HIVEP3: variants seen among roughly 807,000 people sequenced by gnomAD.
HIVEP3 encodes HIVEP zinc finger 3.
Under a neutral mutation model 152.8 loss-of-function variants are expected in HIVEP3, and 49 were observed. The observed-to-expected ratio is 0.32, with a 90% CI of 0.26 to 0.41. The LOEUF (loss-of-function observed/expected upper bound fraction) is 0.41, where lower values mean the gene tolerates loss of function less well. Among genes scored for constraint, HIVEP3 ranks in the 10% least tolerant of loss-of-function variants. The probability of loss-of-function intolerance (pLI) is 1.00; values close to 1 mark genes in which losing one functional copy is unlikely to be tolerated. For synonymous variants in HIVEP3, 1,269 were observed against 1,289.0 expected (o/e 0.98, Z 0.33); for missense variants, 2,790 against 3,103.3 (o/e 0.90, Z 2.40).
chr1:41,735,420 A>T (rs1332734427), intron 1 of HIVEP3, among the ~76,000 whole-genome samples: 1 of 152,152 alleles, frequency 6.6e-6, no homozygotes, highest in Non-Finnish European at 1.5e-5. Flanking sequence ...TTCTAGGAGG[A>T]GGGCATGAGT....
chr1:41,843,891 T>G (rs1054518464), intron 1 of HIVEP3, among the ~76,000 whole-genome samples: 1 of 152,170 alleles, frequency 6.6e-6, no homozygotes, highest in South Asian at 2.1e-4. Flanking sequence ...TGTCTCCAAA[T>G]GCTATCCCTC....
chr1:41,911,233 A>G (rs999340779), intron 1 of HIVEP3, among the ~76,000 whole-genome samples: 1 of 152,202 alleles, frequency 6.6e-6, no homozygotes, highest in Non-Finnish European at 1.5e-5. Flanking sequence ...AAGAAAATCC[A>G]AAAGGTCAAC....
chr1:41,982,991 T>C (rs1281965024), intron 1 of HIVEP3, among the ~76,000 whole-genome samples: 2 of 152,242 alleles, frequency 1.3e-5, no homozygotes, highest in Admixed American at 6.5e-5. Flanking sequence ...AGGATGAAAC[T>C]GTTCCACCAC....
intron 1 of HIVEP3, among the ~76,000 whole-genome samples, chr1:41,722,530 CT>C: frequency 7.6e-6 from 1 of 132,078 alleles, no homozygotes; most frequent in South Asian, 2.9e-4. Flanking sequence ...CCTCCCTTCT[CT>C]CCCTCCCTCC....
chr1:41,984,611 C>T (rs1416395892), intron 1 of HIVEP3, among the ~76,000 whole-genome samples: 3 of 152,144 alleles, frequency 2.0e-5, no homozygotes, highest in Non-Finnish European at 2.9e-5. Context: ...AGGGATCGAA[C>T]GTTTAAAACA....
intron 1 of HIVEP3, among the ~76,000 whole-genome samples, chr1:41,942,772 G>C (rs753730347): frequency 6.6e-6 from 1 of 152,116 alleles, no homozygotes; most frequent in Non-Finnish European, 1.5e-5. Flanking sequence ...ACACAGAAAG[G>C]AGTGAGGAAA....
At chr1:41,720,250 G>A (rs553491320) in intron 1 of HIVEP3, among the ~76,000 whole-genome samples, 28 of 152,274 alleles carry the variant, frequency 1.8e-4, no homozygotes, top group African/African-American at 6.3e-4. Context: ...GGGCCTCCAG[G>A]GCTGCTCCCA....
At chr1:41,526,351 C>T (rs1642908757) in intron 5 of HIVEP3, among the ~76,000 whole-genome samples, 1 of 143,322 alleles carries the variant, frequency 7.0e-6, no homozygotes. Flanking sequence ...ACACCCCACA[C>T]TCACCCTCAC....
chr1:41,704,873 C>T (rs1646411026), intron 1 of HIVEP3, among the ~76,000 whole-genome samples: 1 of 152,206 alleles, frequency 6.6e-6, no homozygotes, highest in Admixed American at 6.5e-5. Context: ...TTCAAAGTTC[C>T]ATGCATTCAT....
chr1:41,771,972 G>C (rs780197937), intron 1 of HIVEP3, among the ~76,000 whole-genome samples: 8 of 152,066 alleles, frequency 5.3e-5, no homozygotes, highest in Non-Finnish European at 1.0e-4. Flanking sequence ...GTCCCTGGCA[G>C]GTTCTTAAGC....
chr1:41,905,336 G>A (rs1333816459), intron 1 of HIVEP3, among the ~76,000 whole-genome samples: 1 of 152,184 alleles, frequency 6.6e-6, no homozygotes, highest in Admixed American at 6.5e-5. Context: ...TCCATGCAGT[G>A]TTAAGGCAGT....
At chr1:41,980,327 T>C (rs1336120850) in intron 1 of HIVEP3, among the ~76,000 whole-genome samples, 1 of 152,180 alleles carries the variant, frequency 6.6e-6, no homozygotes, top group Non-Finnish European at 1.5e-5. Context: ...TACTGGTGAA[T>C]GGATAAACAA....
At position 41,509,958 on chromosome 1, in the gene HIVEP3, T is replaced by A. The variant is rs1369339033; in HGVS notation, c.*493A>T. ...TGGCCTTTCTGCTGGCAGAGAGGGG[T>A]GGCTACGAGCTGGGCAGGGGGGTGA... On this transcript the variant is annotated 3_prime_UTR_variant, in exon 9 of 9. Coordinates refer to ENST00000372583, the MANE Select transcript of HIVEP3 (RefSeq NM_024503.5). 5 of 150,078 alleles carry A rather than the reference T, an allele frequency of 3.3e-5. No individual in the cohort carries two copies. Among genetic ancestry groups the A allele is most frequent in the African/African-American group, 7.4e-5 (3 of 40,528 alleles). The allele number at this position is 150,078 out of a possible 1,614,324, so 9.3% of individuals were successfully genotyped here.
rs141518038 is a variant in HIVEP3 at position 42,009,636 on chromosome 1, T to A, written n.119+26171A>T. The stretch of plus-strand genomic sequence containing the variant: ...GCTACTTAGCCAGTGTGTAACTTCA[T>A]TCCCAGAGTATTGAAATTCATCATA... On this transcript the variant is annotated intron_variant and non_coding_transcript_variant, in intron 1 of 3. Coordinates refer to the HIVEP3 transcript ENST00000489103. 3.3e-5 allele frequency among the ~76,000 whole-genome samples: 5 copies of A among 152,282 alleles called. No individual in the cohort carries two copies. In the East Asian group the frequency reaches 9.7e-4, roughly 29 times the overall value.
chr1:42,021,057 G>C (rs1018551428), intron 1 of HIVEP3, among the ~76,000 whole-genome samples: 1 of 152,082 alleles, frequency 6.6e-6, no homozygotes, highest in African/African-American at 2.4e-5. Flanking sequence ...TAATGATTTG[G>C]GATATTAAAA....
chr1:41,828,151 C>A (rs1278249878), intron 1 of HIVEP3, among the ~76,000 whole-genome samples: 2 of 152,242 alleles, frequency 1.3e-5, no homozygotes, highest in Non-Finnish European at 2.9e-5. Flanking sequence ...AGCAGTCACT[C>A]TGGACCCTAG....
chr1:41,932,247 T>C (rs1644999721), intron 1 of HIVEP3, among the ~76,000 whole-genome samples: 1 of 151,872 alleles, frequency 6.6e-6, no homozygotes, highest in South Asian at 2.1e-4. Flanking sequence ...AATTTTAATT[T>C]CATTGGTTGA....
At chr1:41,713,432 T>A (rs916549144) in intron 1 of HIVEP3, among the ~76,000 whole-genome samples, 1 of 152,196 alleles carries the variant, frequency 6.6e-6, no homozygotes, top group Non-Finnish European at 1.5e-5. Context: ...GCCACGAAAG[T>A]TTAACTTGGA....
At chr1:41,754,267 A>C (rs757744155) in intron 1 of HIVEP3, among the ~76,000 whole-genome samples, 2 of 152,032 alleles carry the variant, frequency 1.3e-5, no homozygotes, top group Non-Finnish European at 2.9e-5. Flanking sequence ...TTTTGAGCAG[A>C]GGAGGACCCC....
Sources: gnomAD v4.1 joint callset for allele counts (sites outside exome capture counted in the v4.1 genomes callset) on GRCh38, gnomAD v4.1.1 for gene constraint, MANE v1.5 for transcripts, NCBI Gene and HGNC (gene_info 2026-07-23, HGNC 2026-07-21) for gene names.